UNC5D: variants seen among roughly 807,000 people sequenced by gnomAD.
The protein encoded by UNC5D is netrin receptor UNC5D.
A neutral mutation model predicts 105.4 loss-of-function variants in UNC5D; 39 were observed. That is an observed-to-expected ratio of 0.37 (90% CI 0.29 to 0.48). UNC5D has a LOEUF of 0.48. Ranked by LOEUF, UNC5D falls within the 20% of genes least tolerant of loss-of-function variation. The pLI is 0.98. For synonymous variants in UNC5D, 452 were observed against 450.4 expected, an observed-to-expected ratio of 1.00 and a Z score of -0.04; for missense variants, 991 against 1,202.4, an observed-to-expected ratio of 0.82 and a Z score of 2.60.
At chr8:35,267,507 C>T (rs1323672256) in intron 1 of UNC5D, among the ~76,000 whole-genome samples, 3 of 152,060 alleles carry the variant, frequency 2.0e-5, no homozygotes, top group African/African-American at 4.8e-5. Context: ...GGTGCGATCT[C>T]GGCTCACTGC....
intron 1 of UNC5D, among the ~76,000 whole-genome samples, chr8:35,399,564 T>C (rs1302423995): frequency 6.6e-6 from 1 of 152,202 alleles, no homozygotes; most frequent in African/African-American, 2.4e-5. Flanking sequence ...AGTTTCTACA[T>C]CTGGGCATCA....
intron 4 of UNC5D, among the ~76,000 whole-genome samples, chr8:35,624,979 A>G (rs754410546): frequency 1.3e-5 from 2 of 152,128 alleles, no homozygotes; most frequent in Non-Finnish European, 2.9e-5. Flanking sequence ...AATCTGCTTC[A>G]TGCTTATTTT....
intron 1 of UNC5D, among the ~76,000 whole-genome samples, chr8:35,339,540 G>A (rs1811305723): frequency 6.6e-6 from 1 of 152,226 alleles, no homozygotes; most frequent in African/African-American, 2.4e-5. Context: ...GGAATTTCAG[G>A]AATTAAAAAT....
At chr8:35,731,802 T>C (rs1369553642) in intron 11 of UNC5D, among the ~76,000 whole-genome samples, 1 of 152,218 alleles carries the variant, frequency 6.6e-6, no homozygotes, top group Non-Finnish European at 1.5e-5. Flanking sequence ...GCAGAAGACC[T>C]ACTCTATACT....
chr8:35,539,874 T>C (rs1005317301), intron 1 of UNC5D, among the ~76,000 whole-genome samples: 3 of 152,234 alleles, frequency 2.0e-5, no homozygotes, highest in Non-Finnish European at 4.4e-5. Flanking sequence ...TTTTGTTTCG[T>C]CTTTTTGTCA....
chr8:35,355,736 GGA>G (rs1801515111), intron 1 of UNC5D, among the ~76,000 whole-genome samples: 7 of 152,098 alleles, frequency 4.6e-5, no homozygotes, highest in African/African-American at 1.7e-4. Context: ...TAAGTCATAA[GGA>G]TGGAACCCTC....
At chr8:35,568,834 A>T (rs1464747449) in intron 3 of UNC5D, among the ~76,000 whole-genome samples, 1 of 152,242 alleles carries the variant, frequency 6.6e-6, no homozygotes, top group Non-Finnish European at 1.5e-5. Context: ...AATGAAATTC[A>T]TGCAAATGGA....
chr8:35,369,366 G>T (rs1301442187), intron 1 of UNC5D, among the ~76,000 whole-genome samples: 3 of 152,154 alleles, frequency 2.0e-5, no homozygotes, highest in Non-Finnish European at 2.9e-5. Flanking sequence ...TAAGATTTTA[G>T]GATGTTTTGG....
chr8:35,287,303 CA>C (rs1806670811), intron 1 of UNC5D, among the ~76,000 whole-genome samples: 1 of 151,870 alleles, frequency 6.6e-6, no homozygotes, highest in Non-Finnish European at 1.5e-5. Context: ...AAATGACTGA[CA>C]AAGAATTTAG....
Position 35,639,777 on chromosome 8 carries a change from C to G in UNC5D, c.571-43770C>G, listed in dbSNP as rs187981276. On this transcript the variant is annotated intron_variant, in intron 4 of 16. Transcript: ENST00000404895. Reference sequence around the variant, plus strand: ...TTTCTTTTTTTAAGACAAGGTCTTGCTGTGTCATCCAGGCTGAAGAGCAGT... The same window carrying G: ...TTTCTTTTTTTAAGACAAGGTCTTGGTGTGTCATCCAGGCTGAAGAGCAGT... Among the ~76,000 whole-genome samples, 504 of 152,196 alleles carry G rather than the reference C, an allele frequency of 3.3e-3. 5 individuals are homozygous for G. Among genetic ancestry groups the G allele is most frequent in the African/African-American group, 0.012 (487 of 41,536 alleles).
In UNC5D at chr8:35,652,994, A is replaced by G. The variant is rs987247943; in HGVS notation, c.571-30553A>G. On this transcript the variant is annotated intron_variant, in intron 4 of 16. Transcript: ENST00000404895. The stretch of plus-strand genomic sequence containing the variant: ...AGGCAGGCTGCAGTGCAGTGGCACA[A>G]TCTTGGCTTACTGCAACCTCCGCCT... Among the ~76,000 whole-genome samples, 3 of 145,924 alleles carry G rather than the reference A, an allele frequency of 2.1e-5. No individual in the cohort carries two copies. In the Admixed American group the frequency reaches 2.1e-4, roughly 10 times the overall value.
intron 1 of UNC5D, among the ~76,000 whole-genome samples, chr8:35,282,822 A>G (rs974332069): frequency 1.3e-5 from 2 of 152,036 alleles, no homozygotes; most frequent in Non-Finnish European, 2.9e-5. Flanking sequence ...TACTTCAAAT[A>G]GTACTAATGG....
chr8:35,286,754 G>T (rs1357861062), intron 1 of UNC5D, among the ~76,000 whole-genome samples: 2 of 152,164 alleles, frequency 1.3e-5, no homozygotes, highest in Non-Finnish European at 2.9e-5. Flanking sequence ...TAGACCAGTA[G>T]GTAAGCCCAA....
intron 1 of UNC5D, among the ~76,000 whole-genome samples, chr8:35,435,601 A>G (rs1806954697): frequency 6.6e-6 from 1 of 152,070 alleles, no homozygotes; most frequent in Admixed American, 6.6e-5. Context: ...GAATTCATTC[A>G]AAAAAATGTA....
chr8:35,667,598 A>G (rs1311745542), intron 4 of UNC5D, among the ~76,000 whole-genome samples: 1 of 152,214 alleles, frequency 6.6e-6, no homozygotes. Flanking sequence ...ACAGAAAATT[A>G]TAGCAATCTA....
rs1483549036 is a variant in UNC5D, at chr8:35,309,486, TATGTGTCTGG to T, written c.103+73604_103+73613del. Among the ~76,000 whole-genome samples, 3 of 152,160 alleles carry T rather than the reference TATGTGTCTGG, an allele frequency of 2.0e-5. No individual in the cohort carries two copies. In the South Asian group the frequency reaches 6.2e-4, roughly 32 times the overall value. ...GTCTTTGACTATGTTAACTGGGAAA[TATGTGTCTGG>T]ATGTCCTTGGTTAATGTGAATATTA... On this transcript the variant is annotated intron_variant, in intron 1 of 16. Coordinates refer to ENST00000404895, the MANE Select transcript of UNC5D (RefSeq NM_080872.4).
At chr8:35,433,191 G>T (rs1292539894) in intron 1 of UNC5D, among the ~76,000 whole-genome samples, 1 of 152,110 alleles carries the variant, frequency 6.6e-6, no homozygotes, top group African/African-American at 2.4e-5. Context: ...AAAAGAACAA[G>T]AATCAAATTG....
chr8:35,337,771 A>T (rs554161075), intron 1 of UNC5D, among the ~76,000 whole-genome samples: 1 of 151,878 alleles, frequency 6.6e-6, no homozygotes, highest in African/African-American at 2.4e-5. Flanking sequence ...AAAAAAAAAA[A>T]CAGATAGCCA....
intron 1 of UNC5D, among the ~76,000 whole-genome samples, chr8:35,541,843 G>A (rs768238757): frequency 4.6e-5 from 7 of 151,954 alleles, no homozygotes; most frequent in African/African-American, 1.7e-4. Context: ...ATGCACATGC[G>A]TCTATTTAAA....
Sources: allele counts gnomAD v4.1 joint callset (sites outside exome capture counted in the v4.1 genomes callset), GRCh38; gene constraint gnomAD v4.1.1; transcripts MANE v1.5; gene names NCBI Gene and HGNC (gene_info 2026-07-23, HGNC 2026-07-21).